Variants in GPCPD1 observed in about 807,000 individuals in gnomAD.
GPCPD1 encodes the protein glycerophosphocholine phosphodiesterase GPCPD1.
In GPCPD1, 29 loss-of-function variants were observed where a neutral mutation model predicts 89.2. That is an observed-to-expected ratio of 0.33 (90% CI 0.24 to 0.44). The LOEUF (loss-of-function observed/expected upper bound fraction) is 0.44, where lower values mean the gene tolerates loss of function less well. Among genes scored for constraint, GPCPD1 ranks in the 20% least tolerant of loss-of-function variants. GPCPD1 has a pLI of 1.00. For missense variants in GPCPD1, 594 were observed against 808.9 expected, an observed-to-expected ratio of 0.73 and a Z score of 3.22; for synonymous variants, 258 against 266.3, an observed-to-expected ratio of 0.97 and a Z score of 0.30.
Position 5,610,985 on chromosome 20 carries a change from G to A in GPCPD1, c.-172C>T, listed in dbSNP as rs1980942505. On this transcript the variant is annotated 5_prime_UTR_variant, in exon 1 of 20. Coordinates refer to ENST00000379019, the MANE Select transcript of GPCPD1 (RefSeq NM_019593.5). The stretch of plus-strand genomic sequence containing the variant: ...CTGCCGCGGCGTCGAGCGGCAGGAA[G>A]CAGCCACGCTCAAACCGGTTTCAGC... The A allele has an allele frequency of 6.6e-6, 1 of 152,078 alleles. No homozygotes were observed. Among genetic ancestry groups the A allele is most frequent in the South Asian group, 2.1e-4 (1 of 4,826 alleles). The allele number at this position is 152,078 out of a possible 1,614,324, so 9.4% of individuals were successfully genotyped here.
At chr20:5,549,574 A>C (rs1600705577) in intron 19 of GPCPD1, 1 of 711,832 alleles carries the variant, frequency 1.4e-6, no homozygotes, top group East Asian at 3.7e-5. Context: ...CTCTTCAAAA[A>C]CTACTAGAGT....
chr20:5,557,964 T>C lies in GPCPD1; in HGVS notation c.1810A>G (p.Asn604Asp). The C allele has an allele frequency of 1.3e-6, 2 of 1,592,274 alleles. No homozygotes were observed. The highest frequency in any genetic ancestry group is 1.7e-6 in the Non-Finnish European group (2 of 1,162,904). The change falls in exon 19 of 20, where the codon AAT becomes GAT. Residue 604 changes from asparagine to aspartate, a missense_variant. Asn to Asp is a conservative substitution (Grantham distance 23). Transcript: ENST00000379019. ...NRRKLKELGV[N>D]GLIYDRIYDW... The stretch of plus-strand genomic sequence containing the variant: ...AAATACCTATCATAAATTAGACCAT[T>C]AACTCCAAGTTCCTTCAATTTCCTT...
rs746581211 is a variant in GPCPD1, at chr20:5,575,405, C to T, written c.1001+8G>A. ...CAAATGCTAATCCTACTCAAATATT[C>T]AACTTACTGGGCAGTTGTTGTAGAG... is the stretch of plus-strand genomic sequence containing the variant. On this transcript the variant is annotated splice_region_variant and intron_variant, in intron 10 of 19. Transcript: ENST00000379019. 2 of 1,597,304 alleles carry T rather than the reference C, an allele frequency of 1.3e-6. No individual in the cohort carries two copies. The highest frequency in any genetic ancestry group is 1.7e-6 in the Non-Finnish European group (2 of 1,168,690).
chr20:5,562,814 T>A (rs1404045090), intron 15 of GPCPD1, among the ~76,000 whole-genome samples: 3 of 152,166 alleles, frequency 2.0e-5, no homozygotes, highest in Non-Finnish European at 4.4e-5. Flanking sequence ...TTTTTTAATT[T>A]TCTCCTATAT....
intron 19 of GPCPD1, among the ~76,000 whole-genome samples, chr20:5,552,694 C>T (rs536246087): frequency 1.5e-4 from 23 of 152,292 alleles, no homozygotes; most frequent in African/African-American, 5.1e-4. Context: ...GAGCGCTATG[C>T]GTCACTCATG....
chr20:5,609,079 T>TA (rs1406219537), intron 1 of GPCPD1, among the ~76,000 whole-genome samples: 3 of 152,312 alleles, frequency 2.0e-5, no homozygotes, highest in African/African-American at 7.2e-5. Context: ...TAAACCAAGG[T>TA]AAAGGGACAT....
chr20:5,547,596 G>C lies in GPCPD1; in HGVS notation c.*65C>G. 1.3e-6 allele frequency: 1 copy of C among 793,690 alleles called. No homozygotes were observed. The highest frequency in any genetic ancestry group is 1.8e-5 in the South Asian group (1 of 54,940). 49.2% of individuals were successfully genotyped at this position (793,690 alleles called of 1,614,324 possible). A position where few individuals can be genotyped will look rare whatever the true frequency, so the allele number is the denominator to read the frequency against. On this transcript the variant is annotated 3_prime_UTR_variant, in exon 20 of 20. Transcript: ENST00000379019. ...AAAAGGCATAGATCAACAATGCTCA[G>C]TGATGAAAAATGAATACCCAGAACA...
At chr20:5,593,892 T>C (rs1600789611) in intron 3 of GPCPD1, among the ~76,000 whole-genome samples, 1 of 152,334 alleles carries the variant, frequency 6.6e-6, no homozygotes, top group East Asian at 1.9e-4. Context: ...GGGTCGCAGC[T>C]TTTGTGTCAC....
chr20:5,610,274 T>TCCACCAA, intron 1 of GPCPD1, among the ~76,000 whole-genome samples: 1 of 152,344 alleles, frequency 6.6e-6, no homozygotes, highest in South Asian at 2.1e-4. Context: ...AGGGCACTCA[T>TCCACCAA]GACTATTCCT....
intron 10 of GPCPD1, among the ~76,000 whole-genome samples, chr20:5,574,880 T>G (rs764128778): frequency 6.6e-6 from 1 of 152,288 alleles, no homozygotes; most frequent in South Asian, 2.1e-4. Context: ...AAATTTACAG[T>G]AGAAAATCTG....
At chr20:5,580,229 C>A (rs979160723) in intron 6 of GPCPD1, 98 bp from the exon 7 acceptor site, 1 of 493,798 alleles carries the variant, frequency 2.0e-6, no homozygotes, top group Non-Finnish European at 3.6e-6. Flanking sequence ...TTCACATTCA[C>A]TTTTTTTTTT....
At chr20:5,582,204 A>AC (rs1568664932) in intron 6 of GPCPD1, among the ~76,000 whole-genome samples, 3 of 142,084 alleles carry the variant, frequency 2.1e-5, no homozygotes, top group African/African-American at 5.6e-5. Context: ...AAAAAAAAAA[A>AC]AAAAAAAAAA....
intron 2 of GPCPD1, among the ~76,000 whole-genome samples, chr20:5,602,745 G>A (rs1419534768): frequency 6.6e-6 from 1 of 152,044 alleles, no homozygotes; most frequent in Non-Finnish European, 1.5e-5. Flanking sequence ...CACTTTGCGG[G>A]GCCAAGGTAG....
chr20:5,607,297 A>G (rs1377274408), intron 1 of GPCPD1, among the ~76,000 whole-genome samples: 1 of 149,512 alleles, frequency 6.7e-6, no homozygotes, highest in Non-Finnish European at 1.5e-5. Flanking sequence ...AAAAGAAAAG[A>G]AAGAAAGAAA....
At chr20:5,579,776 C>T (rs755469288) in intron 7 of GPCPD1, among the ~76,000 whole-genome samples, 1 of 152,172 alleles carries the variant, frequency 6.6e-6, no homozygotes, top group East Asian at 1.9e-4. Context: ...GCTTAGAAAA[C>T]CACTTATCTA....
intron 19 of GPCPD1, chr20:5,548,125 A>ATGTC (rs1387740943): frequency 3.8e-5 from 8 of 212,664 alleles, no homozygotes; most frequent in African/African-American, 1.6e-4. Context: ...AGAAAATGAA[A>ATGTC]TGTCTAGTTT....
At chr20:5,610,532 T>G (rs1190414923) in intron 1 of GPCPD1, among the ~76,000 whole-genome samples, 1 of 152,124 alleles carries the variant, frequency 6.6e-6, no homozygotes, top group Admixed American at 6.5e-5. Flanking sequence ...GCGGTAGTCC[T>G]ATGCTCCACG....
intron 10 of GPCPD1, among the ~76,000 whole-genome samples, chr20:5,574,880 T>C (rs764128778): frequency 2.0e-5 from 3 of 152,170 alleles, no homozygotes; most frequent in Non-Finnish European, 4.4e-5. Flanking sequence ...AAATTTACAG[T>C]AGAAAATCTG....
At chr20:5,551,809 C>A (rs1011083022) in intron 19 of GPCPD1, among the ~76,000 whole-genome samples, 4 of 152,056 alleles carry the variant, frequency 2.6e-5, no homozygotes, top group African/African-American at 9.7e-5. Flanking sequence ...ATCCTAAGTG[C>A]AAATTTTCCA....
Sources: allele counts gnomAD v4.1 joint callset (sites outside exome capture counted in the v4.1 genomes callset), GRCh38; gene constraint gnomAD v4.1.1; transcripts MANE v1.5; gene names NCBI Gene and HGNC (gene_info 2026-07-23, HGNC 2026-07-21).